HEATR1: variants seen among roughly 807,000 people sequenced by gnomAD.
HEATR1 encodes HEAT repeat containing 1, also known as HEAT repeat-containing protein 1.
HEATR1 carries 77 observed loss-of-function variants against 248.2 expected under a neutral mutation model. That is an observed-to-expected ratio of 0.31 (90% CI 0.26 to 0.37). The LOEUF is 0.37. HEATR1 is among the 10% of genes least tolerant of loss of function. The pLI, the probability that HEATR1 is intolerant of heterozygous loss-of-function variation, is 1.00. For missense variants in HEATR1, 2,420 were observed against 2,504.9 expected (o/e 0.97, Z 0.72); for synonymous variants, 897 against 923.1 (o/e 0.97, Z 0.51).
intron 12 of HEATR1, among the ~76,000 whole-genome samples, chr1:236,588,514 T>C (rs1303037073): frequency 3.3e-5 from 5 of 152,164 alleles, no homozygotes; most frequent in Non-Finnish European, 7.3e-5. Context: ...TGTTAGAAGA[T>C]TAAAAAATAC....
intron 3 of HEATR1, among the ~76,000 whole-genome samples, chr1:236,600,904 C>T (rs1163513762): frequency 3.9e-5 from 6 of 152,174 alleles, no homozygotes; most frequent in Non-Finnish European, 7.4e-5. Context: ...CCAGGCAGAA[C>T]TATATCCACA....
intron 17 of HEATR1, 68 bp from the exon 18 acceptor site, chr1:236,583,264 T>C (rs1663801839): frequency 7.4e-7 from 1 of 1,355,894 alleles, no homozygotes; most frequent in Non-Finnish European, 1.0e-6. Flanking sequence ...TATGAATTCC[T>C]CTGCATAATA....
intron 24 of HEATR1, among the ~76,000 whole-genome samples, chr1:236,573,363 G>A (rs1663480367): frequency 6.6e-6 from 1 of 152,120 alleles, no homozygotes; most frequent in Non-Finnish European, 1.5e-5. Context: ...CAGATTTACT[G>A]CCCCAGAGAT....
In HEATR1 at chr1:236,594,073, G is replaced by C. The variant is rs774178054; in HGVS notation, c.1132C>G (p.His378Asp). 1 of 1,601,122 alleles carries C rather than the reference G, an allele frequency of 6.2e-7. No homozygotes were observed. The highest frequency in any genetic ancestry group is 8.5e-7 in the Non-Finnish European group (1 of 1,175,166). The stretch of plus-strand genomic sequence containing the variant: ...ATTTTTGTAAGTATAGCTTCTAAGT[G>C]TCTCTTGTAGATTTGACCATCCATT... ...EGMDGQIYKR[H>D]LEAILTKISL... The change falls in exon 9 of 45, where the codon CAC (histidine) becomes GAC (aspartate). Residue 378 changes from histidine to aspartate, a missense_variant. Transcript: ENST00000366582.
At position 236,559,844 on chromosome 1, in the gene HEATR1, C is replaced by T. The variant is rs1292458489; in HGVS notation, c.4647-7G>A. 2 of 1,595,130 alleles carry T rather than the reference C, an allele frequency of 1.3e-6. No homozygotes were observed. The highest frequency in any genetic ancestry group is 1.7e-6 in the Non-Finnish European group (2 of 1,166,456). ...GAGAACGGTCTCCAGCAACCTGAAA[C>T]ACAGAGGCTCGCTCAGCAAACGGCA... On this transcript the variant is annotated splice_region_variant and splice_polypyrimidine_tract_variant and intron_variant, in intron 33 of 44. Coordinates refer to ENST00000366582, the MANE Select transcript of HEATR1 (RefSeq NM_018072.6).
intron 33 of HEATR1, 61 bp downstream of exon 33, chr1:236,561,164 G>A (rs1007152105): frequency 1.9e-5 from 22 of 1,186,768 alleles, no homozygotes; most frequent in Middle Eastern, 2.1e-4. Flanking sequence ...TGTTTTTCCA[G>A]GTTTTCTATA....
chr1:236,592,582 A>G lies in HEATR1; in HGVS notation c.1245T>C (p.Ser415=), dbSNP rs749702321. The change falls in exon 10 of 45, where the codon TCT becomes TCC. Residue 415 remains serine (S), a synonymous_variant. Coordinates refer to ENST00000366582, the MANE Select transcript of HEATR1 (RefSeq NM_018072.6). The stretch of plus-strand genomic sequence containing the variant: ...GTTCATTAAGCAAAGACACTTTATT[A>G]GAATCCATTTCTTCCTGTGAACTAT... ...ISYSSQEEMD[S]NKVSLLNEQF... 6.5e-7 allele frequency: 1 copy of G among 1,530,382 alleles called. No homozygotes were observed. The highest frequency in any genetic ancestry group is 1.7e-5 in the Admixed American group (1 of 59,166). 94.8% of individuals were successfully genotyped at this position (1,530,382 alleles called of 1,614,324 possible). A position where few individuals can be genotyped will look rare whatever the true frequency, so the allele number is the denominator to read the frequency against.
In HEATR1 at chr1:236,585,906, T is replaced by C; in HGVS notation, c.1963A>G (p.Lys655Glu). The change falls in exon 16 of 45, where the codon AAA becomes GAA. Residue 655 changes from lysine to glutamate, a missense_variant. Lys to Glu is a moderately conservative substitution (Grantham distance 56). Transcript: ENST00000366582. Reference protein sequence around the residue: ...ENVIKSTKPGKLIGVANQKMI... With the variant: ...ENVIKSTKPGELIGVANQKMI... ...TTCTGATTTGCTACACCGATTAGTT[T>C]TCCTGGCTTTGTGCTTTTAATTACA... 6.2e-7 allele frequency: 1 copy of C among 1,613,514 alleles called. No homozygotes were observed. Among genetic ancestry groups the C allele is most frequent in the Non-Finnish European group, 8.5e-7 (1 of 1,179,618 alleles).
In HEATR1 at chr1:236,603,280, C is replaced by CTT; in HGVS notation, c.237_238dup (p.Ser80LysfsTer8). On this transcript the variant is annotated frameshift_variant, in exon 3 of 45. Transcript: ENST00000366582. LOFTEE classifies it high-confidence loss of function. ...TTTGTTTACTGCTTTGGTCTGAACA[C>CTT]TTCGCTCCAAGGTTTTTGCTAGCTG... 1 of 1,614,150 alleles carries CTT rather than the reference C, an allele frequency of 6.2e-7. No individual in the cohort carries two copies. The highest frequency in any genetic ancestry group is 8.5e-7 in the Non-Finnish European group (1 of 1,179,994).
At chr1:236,558,139 C>T (rs1020446685) in intron 36 of HEATR1, 98 bp downstream of exon 36, 30 of 1,280,068 alleles carry the variant, frequency 2.3e-5, no homozygotes, top group Admixed American at 1.8e-4. Context: ...TTTTATGCAA[C>T]GTCTACTCAG....
At chr1:236,579,025 T>C (rs1418217631) in intron 20 of HEATR1, among the ~76,000 whole-genome samples, 1 of 152,232 alleles carries the variant, frequency 6.6e-6, no homozygotes, top group Non-Finnish European at 1.5e-5. Flanking sequence ...TTTTCCATTA[T>C]ACTTTCCATT....
chr1:236,594,058 G>A lies in HEATR1; in HGVS notation c.1147C>T (p.Leu383Phe). 1.3e-6 allele frequency: 2 copies of A among 1,599,924 alleles called. No individual in the cohort carries two copies. Among genetic ancestry groups the A allele is most frequent in the Non-Finnish European group, 1.7e-6 (2 of 1,175,070 alleles). ...QIYKRHLEAI[L>F]TKISLKNNLD... ...TTGTTCTTCAGTGATATTTTTGTAA[G>A]TATAGCTTCTAAGTGTCTCTTGTAG... Residue 383 changes from leucine to phenylalanine, a missense_variant, in exon 9 of 45, where the codon CTT (leucine) becomes TTT (phenylalanine). By Grantham distance (22) the Leu-to-Phe change is conservative. Transcript: ENST00000366582.
intron 28 of HEATR1, 44 bp from the exon 29 acceptor site, chr1:236,569,168 T>G (rs1371510650): frequency 6.7e-7 from 1 of 1,503,116 alleles, no homozygotes; most frequent in African/African-American, 1.4e-5. Flanking sequence ...TTCTGTTAAT[T>G]TCTACTAATT....
chr1:236,598,340 A>G (rs1664229856), intron 4 of HEATR1, among the ~76,000 whole-genome samples: 1 of 152,220 alleles, frequency 6.6e-6, no homozygotes, highest in Admixed American at 6.5e-5. Flanking sequence ...AATAACACTA[A>G]GAACAGAAAT....
Position 236,603,234 on chromosome 1 carries a change from T to C in HEATR1, c.285A>G (p.Ser95=), listed in dbSNP as rs368999176. The C allele has an allele frequency of 1.4e-5, 22 of 1,614,078 alleles. No homozygotes were observed. Among genetic ancestry groups the C allele is most frequent in the Admixed American group, 1.2e-4 (7 of 60,008 alleles). The change falls in exon 3 of 45, where the codon TCA becomes TCG. Residue 95 remains serine, a synonymous_variant. Transcript: ENST00000366582. ...AAGGCGACAAGTGAATAAGGAATAA[T>C]GAAATGTTTTCATCCAACTGTTTGT... ...AVNKQLDENI[S]LFLIHLSPYF...
At chr1:236,602,915 T>A (rs1664363575) in intron 3 of HEATR1, 1 of 416,376 alleles carries the variant, frequency 2.4e-6, no homozygotes, top group Admixed American at 3.9e-5. Context: ...CCAGCAAGAC[T>A]CTATCTCAAA....
intron 28 of HEATR1, 42 bp downstream of exon 28, chr1:236,571,309 T>C (rs1663418311): frequency 1.3e-6 from 2 of 1,554,144 alleles, no homozygotes; most frequent in Non-Finnish European, 1.7e-6. Context: ...GGAAGAAAAA[T>C]ATCTGAAATA....
intron 28 of HEATR1, among the ~76,000 whole-genome samples, chr1:236,570,943 G>A (rs2103133694): frequency 6.6e-6 from 1 of 152,288 alleles, no homozygotes; most frequent in South Asian, 2.1e-4. Context: ...CATAGTTTAT[G>A]ATCAAATTAA....
chr1:236,583,236 G>C (rs758573234), intron 17 of HEATR1, 40 bp from the exon 18 acceptor site: 1 of 1,520,326 alleles, frequency 6.6e-7, no homozygotes, highest in South Asian at 1.2e-5. Flanking sequence ...ACAAACTAAG[G>C]GTTCTGAACA....
Sources: allele counts gnomAD v4.1 joint callset (sites outside exome capture counted in the v4.1 genomes callset), GRCh38; gene constraint gnomAD v4.1.1; transcripts MANE v1.5; gene names NCBI Gene and HGNC (gene_info 2026-07-23, HGNC 2026-07-21).